The following LPL variants were observed in gnomAD, a reference collection of about 807,000 sequenced individuals.
LPL encodes the protein phospholipase A1.
Under a neutral mutation model 52.2 loss-of-function variants are expected in LPL, and 43 were observed. The observed-to-expected ratio is 0.82, with a 90% CI of 0.64 to 1.06. LPL has a LOEUF of 1.06. Ranked by LOEUF, LPL falls within the 50% of genes least tolerant of loss-of-function variation. The probability of loss-of-function intolerance (pLI) is 0.00; values close to 1 mark genes in which losing one functional copy is unlikely to be tolerated. For missense variants in LPL, 639 were observed against 585.3 expected, an observed-to-expected ratio of 1.09 and a Z score of -0.95; for synonymous variants, 244 against 215.6, an observed-to-expected ratio of 1.13 and a Z score of -1.15.
chr8:19,965,283 T>A (rs992451089), intron 9 of LPL, 27 bp from the exon 10 acceptor site: 1 of 780,656 alleles, frequency 1.3e-6, no homozygotes. Context: ...GATAATAAAT[T>A]GCCCTTTTTC....
chr8:19,964,204 G>A (rs913322436), intron 9 of LPL, among the ~76,000 whole-genome samples: 5 of 151,874 alleles, frequency 3.3e-5, no homozygotes, highest in Non-Finnish European at 5.9e-5. Context: ...CACCTGCCTC[G>A]GCCTCCCAAA....
At chr8:19,953,554 T>A in intron 4 of LPL, 133 bp downstream of exon 4, 1 of 698,880 alleles carries the variant, frequency 1.4e-6, no homozygotes, top group Non-Finnish European at 2.6e-6. Context: ...CACTTGATTA[T>A]CTCATTGTAG....
rs754692513 is a variant in LPL at position 19,951,893 on chromosome 8, C to T, written c.374C>T (p.Ala125Val). Residue 125 changes from alanine (A) to valine (V), a missense_variant, in exon 3 of 10, where the codon GCG (alanine) becomes GTG (valine). Physicochemically the swap from Ala to Val is moderately conservative, Grantham distance 64 (BLOSUM62 0). Transcript: ENST00000650287. ...SRAQEHYPVS[A>V]GYTKLVGQDV... is the part of the protein sequence containing the mutation. ...GCTCAGGAGCATTACCCAGTGTCCG[C>T]GGGCTACACCAAACTGGTGGGACAG... is the stretch of plus-strand genomic sequence containing the variant. 12 of 1,613,968 alleles carry T rather than the reference C, an allele frequency of 7.4e-6. No individual in the cohort carries two copies. Among genetic ancestry groups the T allele is most frequent in the South Asian group, 3.3e-5 (3 of 91,092 alleles).
At chr8:19,953,835 A>G (rs2128838081) in intron 4 of LPL, among the ~76,000 whole-genome samples, 1 of 152,304 alleles carries the variant, frequency 6.6e-6, no homozygotes, top group Admixed American at 6.5e-5. Context: ...AGAACCCACC[A>G]CTGTTTATAC....
intron 6 of LPL, among the ~76,000 whole-genome samples, chr8:19,957,196 G>C (rs1054826091): frequency 1.3e-5 from 2 of 152,170 alleles, no homozygotes; most frequent in African/African-American, 4.8e-5. Flanking sequence ...TTGGCCTCTT[G>C]TTTAGAGGCA....
At position 19,950,616 on chromosome 8, in the gene LPL, A is replaced by G. The variant is rs2069925026; in HGVS notation, c.250-1153A>G. ...GGAGTTTGAGACCAACCTGGCCAAC[A>G]TGGGGAAACCCAATCTCTACTAAAA... On this transcript the variant is annotated intron_variant, in intron 2 of 9. Transcript: ENST00000650287. This position sits in a 1 kb window ranked among gnomAD's most constrained non-coding sequence, Gnocchi z 4.2. 1.3e-5 allele frequency among the ~76,000 whole-genome samples: 2 copies of G among 152,200 alleles called. No individual in the cohort carries two copies. The highest frequency in any genetic ancestry group is 4.1e-4 in the South Asian group (2 of 4,832).
chr8:19,941,019 T>C (rs1311984344), intron 1 of LPL, among the ~76,000 whole-genome samples: 1 of 152,052 alleles, frequency 6.6e-6, no homozygotes, highest in East Asian at 1.9e-4. Flanking sequence ...AGCCAGGGAG[T>C]TTCAGTAGAC....
intron 5 of LPL, among the ~76,000 whole-genome samples, chr8:19,955,299 CCCTAA>C (rs2069974340): frequency 6.6e-6 from 1 of 152,116 alleles, no homozygotes; most frequent in Admixed American, 6.6e-5. Flanking sequence ...TACAAATTGT[CCCTAA>C]CTTACAGTTT....
At chr8:19,962,008 C>A in intron 8 of LPL, 107 bp from the exon 9 acceptor site, 1 of 795,464 alleles carries the variant, frequency 1.3e-6, no homozygotes, top group Admixed American at 1.7e-5. Flanking sequence ...AAAACAATTA[C>A]CCAGCATGAT....
chr8:19,940,003 G>A (rs926454144), intron 1 of LPL, among the ~76,000 whole-genome samples: 5 of 152,204 alleles, frequency 3.3e-5, no homozygotes, highest in Admixed American at 6.5e-5. Context: ...CTCGCGGGCC[G>A]ACTGTGGCCC....
At chr8:19,940,903 C>T (rs977734621) in intron 1 of LPL, among the ~76,000 whole-genome samples, 1 of 151,908 alleles carries the variant, frequency 6.6e-6, no homozygotes, top group African/African-American at 2.4e-5. Flanking sequence ...TCAGCCTGGG[C>T]AACATAGGGA....
At chr8:19,961,858 T>C (rs1040566103) in intron 8 of LPL, among the ~76,000 whole-genome samples, 1 of 152,192 alleles carries the variant, frequency 6.6e-6, no homozygotes, top group African/African-American at 2.4e-5. Flanking sequence ...GAAAGCCCAG[T>C]AACATAAGAC....
intron 4 of LPL, 23 bp downstream of exon 4, chr8:19,953,444 CT>C: frequency 6.4e-7 from 1 of 1,556,726 alleles, no homozygotes. Flanking sequence ...TTTCGTTGGT[CT>C]TATCATAAGA....
chr8:19,940,517 G>A (rs777593540), intron 1 of LPL, among the ~76,000 whole-genome samples: 1 of 152,256 alleles, frequency 6.6e-6, no homozygotes, highest in Admixed American at 6.5e-5. Context: ...GAATGTCTCA[G>A]ACCTGTCCGC....
intron 6 of LPL, among the ~76,000 whole-genome samples, chr8:19,958,168 G>A (rs551499097): frequency 1.8e-4 from 28 of 151,982 alleles, no homozygotes; most frequent in African/African-American, 5.3e-4. Flanking sequence ...ACAGGCACCC[G>A]CCACCACGCC....
rs542700713 is a variant in LPL at position 19,960,012 on chromosome 8, T to C, written c.1139+632T>C. 4.0e-3 allele frequency among the ~76,000 whole-genome samples: 602 copies of C among 151,762 alleles called. 1 individual carries two copies. The highest frequency in any genetic ancestry group is 0.014 in the Middle Eastern group (4 of 292). On this transcript the variant is annotated intron_variant, in intron 7 of 9. Transcript: ENST00000650287. ...CCATGTTGGCCAAGCTGGTCTTGAA[T>C]TCCTGATCTCAGGTGATCCACCCGC... is the stretch of plus-strand genomic sequence containing the variant.
chr8:19,961,263 G>C (rs950022770), intron 8 of LPL, among the ~76,000 whole-genome samples, 180 bp downstream of exon 8: 2 of 150,270 alleles, frequency 1.3e-5, no homozygotes, highest in East Asian at 1.9e-4. Context: ...GGGGGGCAGG[G>C]GGGGGGAAGT....
intron 6 of LPL, among the ~76,000 whole-genome samples, chr8:19,956,927 G>T (rs1038474623): frequency 3.9e-5 from 6 of 152,106 alleles, no homozygotes; most frequent in Non-Finnish European, 8.8e-5. Context: ...GGGTTCAAAT[G>T]ATTCCCCTGC....
intron 1 of LPL, among the ~76,000 whole-genome samples, chr8:19,947,765 C>T (rs190723192): frequency 2.7e-5 from 4 of 149,632 alleles, no homozygotes; most frequent in East Asian, 2.0e-4. Flanking sequence ...ACTGAGAGAC[C>T]GGGCTCTGAT....
Sources: allele counts gnomAD v4.1 joint callset (sites outside exome capture counted in the v4.1 genomes callset), GRCh38; gene constraint gnomAD v4.1.1; non-coding constraint Gnocchi (gnomAD v3.1); transcripts MANE v1.5; gene names NCBI Gene and HGNC (gene_info 2026-07-23, HGNC 2026-07-21).